The following ACTN2 variants were observed in gnomAD, a reference collection of about 807,000 sequenced individuals.
ACTN2 encodes actinin alpha 2.
Under a neutral mutation model 113.8 loss-of-function variants are expected in ACTN2, and 39 were observed. The observed-to-expected ratio is 0.34, with a 90% confidence interval of 0.27 to 0.45. ACTN2 has a LOEUF of 0.45. Ranked by LOEUF, ACTN2 falls within the 20% of genes least tolerant of loss-of-function variation. The probability of loss-of-function intolerance (pLI) is 1.00; values close to 1 mark genes in which losing one functional copy is unlikely to be tolerated. For missense variants in ACTN2, 992 were observed against 1,177.9 expected (o/e 0.84, Z 2.31); for synonymous variants, 429 against 444.1 (o/e 0.97, Z 0.43).
At chr1:236,696,666 A>G (rs1460736548) in intron 1 of ACTN2, among the ~76,000 whole-genome samples, 1 of 129,968 alleles carries the variant, frequency 7.7e-6, no homozygotes. Flanking sequence ...TTGTCCCACT[A>G]TTTTTTTTTT....
At chr1:236,703,772 G>A (rs1657745923) in intron 1 of ACTN2, among the ~76,000 whole-genome samples, 3 of 151,816 alleles carry the variant, frequency 2.0e-5, no homozygotes, top group African/African-American at 7.3e-5. Context: ...CCACAGCTCC[G>A]AATGTTTGGT....
chr1:236,756,359 T>A (rs373791920), intron 17 of ACTN2, among the ~76,000 whole-genome samples: 3 of 2,422 alleles, frequency 1.2e-3, no homozygotes, highest in Non-Finnish European at 1.5e-3. Flanking sequence ...GAACCCTGGT[T>A]ATAGAGTATA....
chr1:236,697,340 G>A (rs925094230), intron 1 of ACTN2, among the ~76,000 whole-genome samples: 4 of 152,074 alleles, frequency 2.6e-5, no homozygotes, highest in East Asian at 3.9e-4. Context: ...AAAATATGGG[G>A]AATTTGGATT....
chr1:236,734,594 T>A, intron 7 of ACTN2: 1 of 1,115,660 alleles, frequency 9.0e-7, no homozygotes, highest in Non-Finnish European at 1.3e-6. Context: ...GTTTTCCTCT[T>A]TTTTCCCCCC....
chr1:236,700,484 T>G (rs1356752520), intron 1 of ACTN2, among the ~76,000 whole-genome samples: 2 of 152,206 alleles, frequency 1.3e-5, no homozygotes, highest in Non-Finnish European at 2.9e-5. Context: ...AGGTATGAAG[T>G]CAGTACTGGT....
At chr1:236,743,134 A>T (rs1659124768) in intron 11 of ACTN2, 91 bp downstream of exon 11, 9 of 1,482,228 alleles carry the variant, frequency 6.1e-6, no homozygotes, top group Non-Finnish European at 9.3e-7. Context: ...TCTGTGCCTA[A>T]TGTCTGTGAC....
At chr1:236,710,110 T>A (rs1657980538) in intron 1 of ACTN2, among the ~76,000 whole-genome samples, 1 of 152,222 alleles carries the variant, frequency 6.6e-6, no homozygotes, top group Non-Finnish European at 1.5e-5. Context: ...TCATGATTGA[T>A]TTTTCGGGTC....
intron 1 of ACTN2, among the ~76,000 whole-genome samples, chr1:236,690,717 G>A (rs1666049737): frequency 1.3e-5 from 2 of 152,124 alleles, no homozygotes; most frequent in South Asian, 4.1e-4. Flanking sequence ...ATGAGATTTG[G>A]CCCTTGGTGA....
chr1:236,709,997 A>G (rs1332841305), intron 1 of ACTN2, among the ~76,000 whole-genome samples: 3 of 152,240 alleles, frequency 2.0e-5, no homozygotes, highest in Non-Finnish European at 2.9e-5. Context: ...GGTTGAACAG[A>G]TAGTTTTACA....
chr1:236,708,312 G>A (rs1031801764), intron 1 of ACTN2, among the ~76,000 whole-genome samples: 9 of 152,162 alleles, frequency 5.9e-5, no homozygotes, highest in South Asian at 4.1e-4. Context: ...TGTAGCACAA[G>A]CAAAATCCTT....
intron 5 of ACTN2, among the ~76,000 whole-genome samples, chr1:236,727,295 G>A (rs891683913): frequency 3.9e-5 from 6 of 152,174 alleles, no homozygotes; most frequent in African/African-American, 9.7e-5. Flanking sequence ...CAGGGTAGAC[G>A]TCCTTGTGTA....
At chr1:236,737,317 A>ATATATATATATATATATATATC in intron 9 of ACTN2, 103 bp downstream of exon 9, 1 of 288,956 alleles carries the variant, frequency 3.5e-6, no homozygotes, top group East Asian at 6.2e-5. Flanking sequence ...ATATATATAT[A>ATATATATATATATATATATATC]TTTTGCATTT....
intron 1 of ACTN2, among the ~76,000 whole-genome samples, chr1:236,690,857 C>T (rs905379348): frequency 4.6e-5 from 7 of 152,020 alleles, no homozygotes; most frequent in African/African-American, 1.4e-4. Flanking sequence ...TCTGTGTCTC[C>T]AGAACTTTTC....
chr1:236,733,177 A>G (rs1658760497), intron 7 of ACTN2, among the ~76,000 whole-genome samples: 1 of 152,200 alleles, frequency 6.6e-6, no homozygotes, highest in South Asian at 2.1e-4. Context: ...TTCATATGAT[A>G]AATAACTATC....
At position 236,762,463 on chromosome 1, in the gene ACTN2, A is replaced by G. The variant is rs755438133; in HGVS notation, c.2529A>G (p.Pro843=). The change falls in exon 21 of 21, where the codon CCA becomes CCG. Residue 843 remains proline (P), a splice_region_variant and synonymous_variant. Coordinates refer to ENST00000366578, the MANE Select transcript of ACTN2 (RefSeq NM_001103.4). The part of the protein sequence containing the change: ...ASFRILASDK[P]YILAEELRRE... ...AACACGTGTGTATTTTTTCCCAGCC[A>G]TACATCCTGGCGGAGGAGCTGCGTC... is the stretch of plus-strand genomic sequence containing the variant. 2 of 1,614,114 alleles carry G rather than the reference A, an allele frequency of 1.2e-6. No homozygotes were observed. Among genetic ancestry groups the G allele is most frequent in the Non-Finnish European group, 1.7e-6 (2 of 1,179,978 alleles).
At chr1:236,701,045 G>C (rs1657658340) in intron 1 of ACTN2, among the ~76,000 whole-genome samples, 1 of 152,296 alleles carries the variant, frequency 6.6e-6, no homozygotes, top group South Asian at 2.1e-4. Context: ...GGTGGCTGGA[G>C]TAATTTCAGA....
chr1:236,702,511 A>C (rs1350194095), intron 1 of ACTN2, among the ~76,000 whole-genome samples: 2 of 152,194 alleles, frequency 1.3e-5, no homozygotes, highest in Non-Finnish European at 2.9e-5. Flanking sequence ...CTACTAGCTC[A>C]CTTTATGCTA....
rs760884869 is a variant in ACTN2, at chr1:236,739,434, G to C, written c.1009G>C (p.Glu337Gln). Residue 337 changes from glutamate (E) to glutamine (Q), a missense_variant, in exon 10 of 21, where the codon GAG (glutamate) becomes CAG (glutamine). By Grantham distance (29) the Glu-to-Gln change is conservative. This residue lies in a region of ACTN2 where 736 missense variants were observed against 815.4 expected (regional missense o/e 0.90). Coordinates refer to ENST00000366578, the MANE Select transcript of ACTN2 (RefSeq NM_001103.4). ...RRKHKPPKVQ[E>Q]KCQLEINFNT... Reference sequence around the variant, plus strand: ...GAAGCACAAGCCACCCAAGGTGCAGGAGAAATGCCAGCTGGAGATCAACTT... The same window carrying C: ...GAAGCACAAGCCACCCAAGGTGCAGCAGAAATGCCAGCTGGAGATCAACTT... 3 of 1,614,102 alleles carry C rather than the reference G, an allele frequency of 1.9e-6. No homozygotes were observed. In the South Asian group the frequency reaches 3.3e-5, roughly 18 times the overall value.
intron 3 of ACTN2, 119 bp from the exon 4 acceptor site, chr1:236,719,986 G>T: frequency 1.4e-6 from 1 of 725,032 alleles, no homozygotes; most frequent in South Asian, 1.5e-5. Flanking sequence ...AACATAAACT[G>T]GTCTTTCCAT....
Sources: allele counts gnomAD v4.1 joint callset (sites outside exome capture counted in the v4.1 genomes callset), GRCh38; gene constraint gnomAD v4.1.1; regional missense constraint gnomAD v4.1.1; transcripts MANE v1.5; gene names NCBI Gene and HGNC (gene_info 2026-07-23, HGNC 2026-07-21).